KMT2C: variants seen among roughly 807,000 people sequenced by gnomAD.
KMT2C encodes the protein lysine methyltransferase 2C.
A neutral mutation model predicts 507.9 loss-of-function variants in KMT2C; 88 were observed. That is an observed-to-expected ratio of 0.17 (90% CI 0.15 to 0.21). KMT2C has a LOEUF of 0.21. KMT2C is among the 10% of genes least tolerant of loss of function. KMT2C has a pLI of 1.00. For synonymous variants in KMT2C, 2,049 were observed against 2,080.8 expected (o/e 0.98, Z 0.42); for missense variants, 4,954 against 5,957.8 (o/e 0.83, Z 5.55).
At chr7:152,221,966 A>C (rs184966560) in intron 22 of KMT2C, 35 bp downstream of exon 22, 1 of 1,503,234 alleles carries the variant, frequency 6.7e-7, no homozygotes, top group African/African-American at 1.4e-5. Flanking sequence ...AGCAAAGTAA[A>C]TTAATTAAAT....
intron 1 of KMT2C, among the ~76,000 whole-genome samples, chr7:152,364,971 G>A (rs1265753990): frequency 5.5e-5 from 7 of 126,806 alleles, no homozygotes; most frequent in East Asian, 2.6e-4. Flanking sequence ...ACACACACAC[G>A]TACCAGTAAG....
intron 6 of KMT2C, among the ~76,000 whole-genome samples, chr7:152,306,842 T>C (rs1375918237): frequency 6.6e-6 from 1 of 152,218 alleles, no homozygotes; most frequent in African/African-American, 2.4e-5. Context: ...CTGGTCCATC[T>C]TGTGCCTATT....
At chr7:152,414,348 G>T (rs904486805) in intron 1 of KMT2C, among the ~76,000 whole-genome samples, 3 of 151,878 alleles carry the variant, frequency 2.0e-5, no homozygotes, top group Non-Finnish European at 4.4e-5. Flanking sequence ...TGACCAACAT[G>T]GAGAAACCCC....
chr7:152,302,919 C>T (rs1406519812), intron 6 of KMT2C, among the ~76,000 whole-genome samples: 1 of 152,146 alleles, frequency 6.6e-6, no homozygotes, highest in Non-Finnish European at 1.5e-5. Flanking sequence ...GCTGGGATTA[C>T]AGGCATGAGA....
intron 55 of KMT2C, among the ~76,000 whole-genome samples, chr7:152,139,998 T>G (rs923965639): frequency 6.6e-6 from 1 of 152,262 alleles, no homozygotes; most frequent in South Asian, 2.1e-4. Context: ...AGCTTATTCC[T>G]ACATCTTTTT....
chr7:152,216,918 G>C (rs1197241739), intron 23 of KMT2C, among the ~76,000 whole-genome samples: 2 of 152,192 alleles, frequency 1.3e-5, no homozygotes, highest in African/African-American at 4.8e-5. Flanking sequence ...TGTGGGAAGA[G>C]CCAGTGCTGG....
At position 152,364,620 on chromosome 7, in the gene KMT2C, AG is replaced by A. The variant is rs1426191268; in HGVS notation, c.162-5946del. 3.3e-4 allele frequency among the ~76,000 whole-genome samples: 50 copies of A among 150,320 alleles called. 1 individual carries two copies. The highest frequency in any genetic ancestry group is 1.2e-3 in the African/African-American group (49 of 39,850). On this transcript the variant is annotated intron_variant, in intron 1 of 58. Transcript: ENST00000262189. Reference sequence around the variant, plus strand: ...CGAGACTCCGTCTCCAAAAAAAAAAAGAAAAGAAAAAAAGAAAAAAATGCAA... The same window carrying A: ...CGAGACTCCGTCTCCAAAAAAAAAAAAAAAGAAAAAAAGAAAAAAATGCAA...
intron 31 of KMT2C, among the ~76,000 whole-genome samples, chr7:152,189,262 A>G (rs147892062): frequency 1.9e-4 from 29 of 152,340 alleles, no homozygotes; most frequent in East Asian, 3.9e-4. Flanking sequence ...GTTTCCAGAA[A>G]AAAGAAAGAA....
At chr7:152,243,399 T>C (rs2095418433) in intron 14 of KMT2C, among the ~76,000 whole-genome samples, 1 of 152,230 alleles carries the variant, frequency 6.6e-6, no homozygotes, top group South Asian at 2.1e-4. Flanking sequence ...GAAAGTACTC[T>C]TCTTATAATA....
chr7:152,301,467 C>T (rs1365226788), intron 6 of KMT2C, among the ~76,000 whole-genome samples: 1 of 152,074 alleles, frequency 6.6e-6, no homozygotes, highest in Non-Finnish European at 1.5e-5. Context: ...CGAGATCATG[C>T]CACTGCATTC....
chr7:152,434,921 C>G (rs1294858606), intron 1 of KMT2C, among the ~76,000 whole-genome samples: 1 of 152,138 alleles, frequency 6.6e-6, no homozygotes, highest in Admixed American at 6.5e-5. Context: ...GGGACGCTGG[C>G]TACGTCTCCA....
rs761794954 is a variant in KMT2C at position 152,252,571 on chromosome 7, T to C, written c.1444A>G (p.Met482Val). 2 of 1,613,352 alleles carry C rather than the reference T, an allele frequency of 1.2e-6. No homozygotes were observed. The highest frequency in any genetic ancestry group is 1.7e-6 in the Non-Finnish European group (2 of 1,179,576). The change falls in exon 10 of 59, where the codon ATG (methionine) becomes GTG (valine). Residue 482 changes from methionine to valine, a missense_variant. Around this residue, in one of 29 missense-constraint regions of KMT2C, gnomAD observed 376 missense variants for 352.4 expected, o/e 1.07. Coordinates refer to ENST00000262189, the MANE Select transcript of KMT2C (RefSeq NM_170606.3). Reference protein sequence around the residue: ...KCYHPELQKDMLHCNMCKRWV... With the variant: ...KCYHPELQKDVLHCNMCKRWV... ...CTTTTGCACATATTACAATGAAGCA[T>C]GTCTTTCTGCAATTCTGGATGATAA...
At position 152,182,114 on chromosome 7, in the gene KMT2C, T is replaced by C. The variant is rs139187039; in HGVS notation, c.5746A>G (p.Arg1916Gly). The C allele has an allele frequency of 3.5e-5, 56 of 1,614,210 alleles. No homozygotes were observed. The African/African-American group carries it at 6.9e-4, about 20-fold the overall frequency. Reference protein sequence around the residue: ...RPPPVGHSFSRRNSAAPVENC... With the variant: ...RPPPVGHSFSGRNSAAPVENC... ...TCCACTGGTGCAGCAGAATTTCTTC[T>C]GGAAAAACTATGGCCCACAGGAGGT... The change falls in exon 36 of 59, where the codon AGA (arginine) becomes GGA (glycine). Residue 1916 changes from arginine to glycine, a missense_variant. Coordinates refer to ENST00000262189, the MANE Select transcript of KMT2C (RefSeq NM_170606.3).
At chr7:152,388,595 G>T (rs2097456508) in intron 1 of KMT2C, among the ~76,000 whole-genome samples, 1 of 152,304 alleles carries the variant, frequency 6.6e-6, no homozygotes, top group Non-Finnish European at 1.5e-5. Flanking sequence ...CTAATCAGGA[G>T]ATTTTGGTAA....
At chr7:152,153,019 T>C (rs1484933305) in intron 48 of KMT2C, 65 bp from the exon 49 acceptor site, 3 of 1,569,958 alleles carry the variant, frequency 1.9e-6, no homozygotes, top group Non-Finnish European at 2.6e-6. Context: ...TGAAGAAAAA[T>C]ACACACTTAG....
chr7:152,290,228 G>GTGTGTGTGTGTGTGTGTGTA (rs2096389198), intron 6 of KMT2C, among the ~76,000 whole-genome samples: 1 of 97,854 alleles, frequency 1.0e-5, no homozygotes, highest in African/African-American at 5.1e-5. Context: ...ATATGTGTGT[G>GTGTGTGTGTGTGTGTGTGTA]TGTGTGTGTG....
chr7:152,145,361 G>A (rs2129093500), intron 53 of KMT2C, 66 bp from the exon 54 acceptor site: 2 of 1,513,874 alleles, frequency 1.3e-6, no homozygotes, highest in Non-Finnish European at 1.8e-6. Flanking sequence ...ATCTCAAGCT[G>A]GTCAAAGGAT....
At chr7:152,424,493 G>C (rs554226849) in intron 1 of KMT2C, among the ~76,000 whole-genome samples, 1 of 152,110 alleles carries the variant, frequency 6.6e-6, no homozygotes, top group Non-Finnish European at 1.5e-5. Flanking sequence ...CAAGATAATG[G>C]TTCACTGCAG....
intron 2 of KMT2C, among the ~76,000 whole-genome samples, chr7:152,338,863 C>T (rs1318096574): frequency 6.6e-6 from 1 of 152,152 alleles, no homozygotes; most frequent in Admixed American, 6.5e-5. Context: ...TGAGGGATCA[C>T]TTACTGAATA....
Sources: gnomAD v4.1 joint callset for allele counts (sites outside exome capture counted in the v4.1 genomes callset) on GRCh38, gnomAD v4.1.1 for gene constraint, gnomAD v4.1.1 regional missense constraint, MANE v1.5 for transcripts, NCBI Gene and HGNC (gene_info 2026-07-23, HGNC 2026-07-21) for gene names.